UPRT: variants seen among roughly 807,000 people sequenced by gnomAD.
UPRT encodes the protein RP11-311P8.3.
Under a neutral mutation model 22.6 loss-of-function variants are expected in UPRT, and 5 were observed. That is an observed-to-expected ratio of 0.22 (90% CI 0.12 to 0.47). The LOEUF (loss-of-function observed/expected upper bound fraction) is 0.47, where lower values mean the gene tolerates loss of function less well. Ranked by LOEUF, UPRT falls within the 20% of genes least tolerant of loss-of-function variation. The pLI is 0.99. For missense variants in UPRT, 181 were observed against 239.9 expected, an observed-to-expected ratio of 0.75 and a Z score of 1.62; for synonymous variants, 77 against 87.7, an observed-to-expected ratio of 0.88 and a Z score of 0.68.
At chrX:75,165,109 A>G (rs1184860054) in intron 3 of UPRT, among the ~76,000 whole-genome samples, 1 of 107,542 alleles carries the variant, frequency 9.3e-6, no homozygotes, top group Non-Finnish European at 1.9e-5. Context: ...TATAATTTCT[A>G]TATTTCCAAG....
upstream of UPRT, chrX:75,274,057 G>C (rs763920782): frequency 1.8e-5 from 9 of 496,235 alleles, no homozygotes; most frequent in East Asian, 3.5e-4. Flanking sequence ...TAGGCAGGCA[G>C]TACGTCTGGT....
At chrX:75,297,705 T>C (rs1040539117) in intron 4 of UPRT, 152 bp downstream of exon 4, 2 of 626,004 alleles carry the variant, frequency 3.2e-6, no homozygotes, top group African/African-American at 4.5e-5. Flanking sequence ...TGCTGTGGAG[T>C]CATGGCCTGT....
intron 4 of UPRT, among the ~76,000 whole-genome samples, chrX:75,184,273 A>G (rs1468150787): frequency 1.8e-5 from 2 of 112,140 alleles, no homozygotes; most frequent in Non-Finnish European, 3.8e-5. Context: ...CCATTTATTA[A>G]ATAGGGAATC....
intron 4 of UPRT, among the ~76,000 whole-genome samples, chrX:75,175,523 C>T (rs1569258532): frequency 9.0e-6 from 1 of 111,626 alleles, no homozygotes; most frequent in African/African-American, 3.3e-5. Context: ...TTTCCTGGCC[C>T]TCAATAGTTA....
chrX:75,248,323 C>T (rs1323939476), intron 4 of UPRT, among the ~76,000 whole-genome samples: 1 of 111,254 alleles, frequency 9.0e-6, no homozygotes, highest in South Asian at 3.8e-4. Context: ...AAAAATTAGA[C>T]GAATGGCTAA....
chrX:75,200,843 G>T (rs1316743393), intron 4 of UPRT, among the ~76,000 whole-genome samples: 1 of 111,360 alleles, frequency 9.0e-6, no homozygotes, highest in Non-Finnish European at 1.9e-5. Flanking sequence ...TACTCAGCAG[G>T]CACTGAGGTG....
At chrX:75,240,514 C>G (rs1331520755) in intron 4 of UPRT, among the ~76,000 whole-genome samples, 1 of 111,729 alleles carries the variant, frequency 9.0e-6, no homozygotes, top group Non-Finnish European at 1.9e-5. Context: ...TGAAAGCAAA[C>G]TATAAATTCA....
intron 4 of UPRT, among the ~76,000 whole-genome samples, chrX:75,187,647 C>A (rs1290415297): frequency 8.9e-6 from 1 of 112,234 alleles, no homozygotes; most frequent in Non-Finnish European, 1.9e-5. Flanking sequence ...CTCCCCGTCG[C>A]TTTCAGGTAC....
At chrX:75,288,868 C>T (rs1357827410) in intron 1 of UPRT, among the ~76,000 whole-genome samples, 1 of 111,344 alleles carries the variant, frequency 9.0e-6, no homozygotes, top group Non-Finnish European at 1.9e-5. Flanking sequence ...AAATAAAAGG[C>T]AACCAGATAG....
intron 1 of UPRT, among the ~76,000 whole-genome samples, chrX:75,281,040 G>C (rs751169045): frequency 3.6e-5 from 4 of 110,305 alleles, no homozygotes; most frequent in Non-Finnish European, 7.6e-5. Flanking sequence ...ATTGTAGAGG[G>C]TTGAGTTCTT....
intron 4 of UPRT, among the ~76,000 whole-genome samples, chrX:75,236,215 A>T (rs1284496226): frequency 9.0e-6 from 1 of 111,704 alleles, no homozygotes. Flanking sequence ...CAAAGAGAAT[A>T]AAATACCGAG....
At chrX:75,263,963 A>G (rs1452570619) in intron 4 of UPRT, among the ~76,000 whole-genome samples, 2 of 109,808 alleles carry the variant, frequency 1.8e-5, no homozygotes, top group African/African-American at 6.6e-5. Flanking sequence ...TTCTGCCTTC[A>G]TTTCGTTATG....
In UPRT at chrX:75,303,597, C is replaced by A; in HGVS notation, c.*86C>A. On this transcript the variant is annotated 3_prime_UTR_variant, in exon 7 of 7. Transcript: ENST00000373383. ...GTTTTACTGATTCACTTGAGGGTGGCAGAGAAAAATGTGTTAAAATGCTTT... is the reference window on the plus strand; with the variant it reads ...GTTTTACTGATTCACTTGAGGGTGGAAGAGAAAAATGTGTTAAAATGCTTT... 1.3e-6 allele frequency: 1 copy of A among 794,076 alleles called. No homozygotes were observed. Among genetic ancestry groups the A allele is most frequent in the Admixed American group, 3.7e-5 (1 of 26,878 alleles). The allele number at this position is 794,076 out of a possible 1,213,427, so 65.4% of individuals were successfully genotyped here.
intron 4 of UPRT, among the ~76,000 whole-genome samples, chrX:75,177,141 G>A (rs765348967): frequency 4.6e-5 from 5 of 109,034 alleles, no homozygotes; most frequent in South Asian, 4.2e-4. Context: ...GAATAGTTGC[G>A]CTCACCGACA....
chrX:75,156,899 TCACA>T (rs753344635), intron 1 of UPRT, among the ~76,000 whole-genome samples: 8 of 99,546 alleles, frequency 8.0e-5, no homozygotes, highest in African/African-American at 3.1e-4. Flanking sequence ...TGGGACAGTC[TCACA>T]CACACACACA....
At chrX:75,263,463 C>G (rs188775829) in intron 4 of UPRT, among the ~76,000 whole-genome samples, 195 of 111,645 alleles carry the variant, frequency 1.7e-3, no homozygotes, top group African/African-American at 6.0e-3. Context: ...TGTATGTGTC[C>G]AGGAATTTAT....
intron 4 of UPRT, among the ~76,000 whole-genome samples, chrX:75,244,422 G>T (rs1445547319): frequency 1.8e-5 from 2 of 111,796 alleles, no homozygotes; most frequent in African/African-American, 6.5e-5. Context: ...ACTATTTTAA[G>T]TTTCATATGG....
At chrX:75,234,579 A>C (rs774498800) in intron 4 of UPRT, among the ~76,000 whole-genome samples, 1 of 112,099 alleles carries the variant, frequency 8.9e-6, no homozygotes, top group East Asian at 2.8e-4. Context: ...AAATTATAAC[A>C]AACTATCTCT....
intron 1 of UPRT, among the ~76,000 whole-genome samples, chrX:75,276,685 C>T (rs1359959326): frequency 8.9e-6 from 1 of 111,989 alleles, no homozygotes; most frequent in Non-Finnish European, 1.9e-5. Context: ...GGAAATTTTA[C>T]TCATATGAAG....
Sources: gnomAD v4.1 joint callset for allele counts (sites outside exome capture counted in the v4.1 genomes callset) on GRCh38, gnomAD v4.1.1 for gene constraint, MANE v1.5 for transcripts, NCBI Gene and HGNC (gene_info 2026-07-23, HGNC 2026-07-21) for gene names.